CLPTM1: variants seen among roughly 807,000 people sequenced by gnomAD.
CLPTM1 encodes putative lipid scramblase CLPTM1.
Under a neutral mutation model 77.3 loss-of-function variants are expected in CLPTM1, and 21 were observed. The observed-to-expected ratio is 0.27, with a 90% CI of 0.19 to 0.39. CLPTM1 has a LOEUF of 0.39. CLPTM1 is among the 10% of genes least tolerant of loss of function. The probability of loss-of-function intolerance (pLI) is 1.00; values close to 1 mark genes in which losing one functional copy is unlikely to be tolerated. For missense variants in CLPTM1, 642 were observed against 921.2 expected (o/e 0.70, Z 3.92); for synonymous variants, 373 against 381.0 (o/e 0.98, Z 0.24).
chr19:44,985,145 A>G (rs1970957690), intron 5 of CLPTM1, 73 bp from the exon 6 acceptor site: 2 of 1,039,790 alleles, frequency 1.9e-6, no homozygotes, highest in South Asian at 1.3e-5. Context: ...GCTGGTGGGC[A>G]GGGGTCCGGG....
At chr19:44,987,539 A>G (rs1971001111) in intron 8 of CLPTM1, 116 bp downstream of exon 8, 4 of 1,386,354 alleles carry the variant, frequency 2.9e-6, no homozygotes, top group African/African-American at 2.8e-5. Flanking sequence ...CTCTGCCCAC[A>G]GTTTCACAAC....
chr19:44,974,708 G>C lies in CLPTM1; in HGVS notation c.468+111G>C, dbSNP rs901127809. On this transcript the variant is annotated intron_variant, in intron 4 of 13. Coordinates refer to ENST00000337392, the MANE Select transcript of CLPTM1 (RefSeq NM_001294.4). ...CATGTGGAGTTTGGGCTCCAGGCTT[G>C]GCCCTTCCCTGGGCTCACATGGTCT... is the stretch of plus-strand genomic sequence containing the variant. The C allele has an allele frequency of 6.7e-5, 85 of 1,273,374 alleles. 1 individual carries two copies. In the East Asian group the frequency reaches 1.7e-3, roughly 26 times the overall value. The allele number at this position is 1,273,374 out of a possible 1,614,324, so 78.9% of individuals were successfully genotyped here.
Position 44,988,187 on chromosome 19 carries a change from C to A in CLPTM1, c.1132+14C>A, listed in dbSNP as rs1021656788. The A allele has an allele frequency of 6.9e-6, 11 of 1,588,590 alleles. No individual in the cohort carries two copies. The highest frequency in any genetic ancestry group is 1.3e-5 in the African/African-American group (1 of 74,322). On this transcript the variant is annotated intron_variant, in intron 9 of 13. Coordinates refer to ENST00000337392, the MANE Select transcript of CLPTM1 (RefSeq NM_001294.4). The stretch of plus-strand genomic sequence containing the variant: ...CCTTCAAGAATGGTAGGAACAGGAC[C>A]CCAGGGCTAGTGAGAGGCTGTGCAG...
chr19:44,991,406 G>GCC lies in CLPTM1; in HGVS notation c.1555+36_1555+37dup, dbSNP rs1219152144. On this transcript the variant is annotated intron_variant, in intron 12 of 13. Coordinates refer to ENST00000337392, the MANE Select transcript of CLPTM1 (RefSeq NM_001294.4). This position sits in a 1 kb window ranked among gnomAD's most constrained non-coding sequence, Gnocchi z 5.4. Reference sequence around the variant, plus strand: ...GTCCGGCCGCCCCAGGAGAGAGCAGGCCCCATGCTGCGCAGGGCTCACAGC... The same window carrying GCC: ...GTCCGGCCGCCCCAGGAGAGAGCAGGCCCCCCATGCTGCGCAGGGCTCACAGC... 1.2e-6 allele frequency: 2 copies of GCC among 1,602,198 alleles called. No individual in the cohort carries two copies. The highest frequency in any genetic ancestry group is 8.5e-7 in the Non-Finnish European group (1 of 1,177,744).
At chr19:44,963,465 A>G (rs1298831573) in intron 2 of CLPTM1, among the ~76,000 whole-genome samples, 6 of 149,848 alleles carry the variant, frequency 4.0e-5, no homozygotes, top group African/African-American at 7.4e-5. Context: ...AGCTGGGACT[A>G]CAGGCACCCG....
At position 44,990,258 on chromosome 19, in the gene CLPTM1, G is replaced by A. The variant is rs541515518; in HGVS notation, c.1133-137G>A. On this transcript the variant is annotated intron_variant, in intron 9 of 13. Coordinates refer to ENST00000337392, the MANE Select transcript of CLPTM1 (RefSeq NM_001294.4). The surrounding 1 kb of genome is among the most constrained non-coding windows in gnomAD (Gnocchi z 4.8). ...ATGAGAGCCTTCCTGGGAGAGAGGG[G>A]TCTCGTTCAGCACCCCTCCTGAGGA... 4.5e-5 allele frequency: 36 copies of A among 800,152 alleles called. No homozygotes were observed. The South Asian group carries it at 5.6e-4, about 12-fold the overall frequency. The allele number at this position is 800,152 out of a possible 1,614,324, so 49.6% of individuals were successfully genotyped here. A position where few individuals can be genotyped will look rare whatever the true frequency, so the allele number is the denominator to read the frequency against.
intron 8 of CLPTM1, chr19:44,987,656 AG>A: frequency 1.7e-6 from 1 of 590,336 alleles, no homozygotes; most frequent in Non-Finnish European, 3.0e-6. Flanking sequence ...CTTTGGGTCC[AG>A]ACCTGTCCCT....
At chr19:44,979,572 A>C (rs1008004518) in intron 5 of CLPTM1, among the ~76,000 whole-genome samples, 2 of 152,224 alleles carry the variant, frequency 1.3e-5, no homozygotes, top group African/African-American at 4.8e-5. Flanking sequence ...TAGTACAAAA[A>C]TATCCTAAAG....
intron 2 of CLPTM1, among the ~76,000 whole-genome samples, chr19:44,966,377 C>T (rs922996046): frequency 6.6e-6 from 1 of 151,784 alleles, no homozygotes; most frequent in East Asian, 1.9e-4. Flanking sequence ...CGCCACTGCA[C>T]TCCAGCCTGG....
chr19:44,988,546 G>C (rs1188480822), intron 9 of CLPTM1, among the ~76,000 whole-genome samples: 3 of 152,258 alleles, frequency 2.0e-5, no homozygotes, highest in African/African-American at 4.8e-5. Context: ...GACGGGGCCT[G>C]CCCAAGTGGG....
chr19:44,972,429 T>C (rs1024407822), intron 2 of CLPTM1, among the ~76,000 whole-genome samples: 2 of 151,830 alleles, frequency 1.3e-5, no homozygotes, highest in African/African-American at 2.4e-5. Context: ...TTTGTATTTT[T>C]TAGTAGAGAC....
chr19:44,972,670 CT>C (rs1970739775), intron 2 of CLPTM1, among the ~76,000 whole-genome samples: 2 of 151,070 alleles, frequency 1.3e-5, no homozygotes, highest in African/African-American at 2.4e-5. Flanking sequence ...TTTCTTTTTT[CT>C]TTTAATTCAT....
rs777993736 is a variant in CLPTM1 at position 44,961,933 on chromosome 19, C to T, written c.73-30C>T. On this transcript the variant is annotated intron_variant, in intron 1 of 13. Transcript: ENST00000337392. ...TAAGACAGCCCCCGTGTCCATTCTC[C>T]CTCCTTACCCTGGCCTCTGTCCCCC... 8 of 1,490,432 alleles carry T rather than the reference C, an allele frequency of 5.4e-6. No individual in the cohort carries two copies. The African/African-American group carries it at 8.5e-5, about 16-fold the overall frequency. 92.3% of individuals were successfully genotyped at this position (1,490,432 alleles called of 1,614,324 possible).
At position 44,993,321 on chromosome 19, in the gene CLPTM1, TG is replaced by T; in HGVS notation, c.*427del. The T allele has an allele frequency of 2.7e-6, 1 of 376,606 alleles. No homozygotes were observed. The highest frequency in any genetic ancestry group is 5.2e-6 in the Non-Finnish European group (1 of 191,588). The allele number at this position is 376,606 out of a possible 1,614,324, so 23.3% of individuals were successfully genotyped here. Reference sequence around the variant, plus strand: ...ACAGTCTGGATTTAATAAATTCATATGGGTGTTTAACTTAAACTCAGCACTG... The same window carrying T: ...ACAGTCTGGATTTAATAAATTCATATGGTGTTTAACTTAAACTCAGCACTG... On this transcript the variant is annotated 3_prime_UTR_variant, in exon 14 of 14. Coordinates refer to ENST00000337392, the MANE Select transcript of CLPTM1 (RefSeq NM_001294.4).
At chr19:44,977,309 C>T (rs1195966802) in intron 4 of CLPTM1, 34 bp from the exon 5 acceptor site, 1 of 1,548,964 alleles carries the variant, frequency 6.5e-7, no homozygotes. Context: ...CCCCAGTTGC[C>T]CAGCCTGCCC....
rs573373613 is a variant in CLPTM1 at position 44,970,388 on chromosome 19, C to T, written c.186-2699C>T. On this transcript the variant is annotated intron_variant, in intron 2 of 13. Transcript: ENST00000337392. ...CTGGTTACCTCATATGTTGTATGTG[C>T]CCTGGGCTAGCATTTTTTTTTTTTT... Among the ~76,000 whole-genome samples the T allele has an allele frequency of 1.2e-4, 16 of 131,308 alleles. 1 individual carries two copies. The South Asian group carries it at 3.7e-3, about 30-fold the overall frequency. The allele number at this position is 131,308 out of a possible 152,430, so 86.1% of individuals were successfully genotyped here.
At chr19:44,987,063 C>T in intron 7 of CLPTM1, 116 bp from the exon 8 acceptor site, 1 of 1,349,246 alleles carries the variant, frequency 7.4e-7, no homozygotes, top group Non-Finnish European at 1.0e-6. Flanking sequence ...TAGAAATGTC[C>T]CCTGTCCTCC....
rs895218367 is a variant in CLPTM1, at chr19:44,991,016, C to T, written c.1419+71C>T. ...CACGTATCCCTGAGGCACCCGGGGCCGGCCATCTGTCTGCCGGACCCATGC... is the reference window on the plus strand; with the variant it reads ...CACGTATCCCTGAGGCACCCGGGGCTGGCCATCTGTCTGCCGGACCCATGC... On this transcript the variant is annotated intron_variant, in intron 11 of 13. Coordinates refer to ENST00000337392, the MANE Select transcript of CLPTM1 (RefSeq NM_001294.4). The surrounding 1 kb of genome is among the most constrained non-coding windows in gnomAD (Gnocchi z 5.4). 11 of 1,375,936 alleles carry T rather than the reference C, an allele frequency of 8.0e-6. No homozygotes were observed. In the African/African-American group the frequency reaches 1.1e-4, roughly 14 times the overall value. 85.2% of individuals were successfully genotyped at this position (1,375,936 alleles called of 1,614,324 possible).
At chr19:44,980,052 G>C (rs563716893) in intron 5 of CLPTM1, among the ~76,000 whole-genome samples, 3 of 152,246 alleles carry the variant, frequency 2.0e-5, no homozygotes, top group South Asian at 4.1e-4. Flanking sequence ...AGTCAGTCTG[G>C]TCTGTAAAAT....
Sources: gnomAD v4.1 joint callset for allele counts (sites outside exome capture counted in the v4.1 genomes callset) on GRCh38, gnomAD v4.1.1 for gene constraint, Gnocchi (gnomAD v3.1) non-coding constraint, MANE v1.5 for transcripts, NCBI Gene and HGNC (gene_info 2026-07-23, HGNC 2026-07-21) for gene names.